The following MON2 variants were observed in gnomAD, a reference collection of about 807,000 sequenced individuals.
MON2 encodes protein MON2 homolog.
MON2 carries 84 observed loss-of-function variants against 208.6 expected under a neutral mutation model. The observed-to-expected ratio is 0.40, with a 90% CI of 0.34 to 0.48. The LOEUF is 0.48. MON2 is among the 20% of genes least tolerant of loss of function. MON2 has a pLI of 0.59. For synonymous variants in MON2, 660 were observed against 694.0 expected (o/e 0.95, Z 0.77); for missense variants, 1,611 against 2,015.4 (o/e 0.80, Z 3.84).
intron 2 of MON2, chr12:62,485,028 G>A (rs1000500664): frequency 1.3e-5 from 2 of 151,078 alleles, no homozygotes; most frequent in African/African-American, 4.9e-5. Flanking sequence ...AGAGCTAATT[G>A]AGATGTGAAG....
chr12:62,534,543 A>AG (rs2072847496), intron 12 of MON2, among the ~76,000 whole-genome samples: 1 of 21,928 alleles, frequency 4.6e-5, no homozygotes, highest in Admixed American at 7.6e-4. Flanking sequence ...AAAAAAAAAA[A>AG]TATATATATA....
At chr12:62,551,962 A>G (rs1008769148) in intron 23 of MON2, among the ~76,000 whole-genome samples, 5 of 152,208 alleles carry the variant, frequency 3.3e-5, no homozygotes, top group Non-Finnish European at 5.9e-5. Context: ...AACTATAAAT[A>G]GAAAATTTTT....
chr12:62,505,344 T>G (rs1017975060), intron 7 of MON2, among the ~76,000 whole-genome samples: 5 of 152,172 alleles, frequency 3.3e-5, no homozygotes, highest in Non-Finnish European at 5.9e-5. Flanking sequence ...TGGCATATAG[T>G]TGCTAATTGA....
intron 8 of MON2, among the ~76,000 whole-genome samples, chr12:62,522,738 A>T (rs2072119339): frequency 6.6e-6 from 1 of 152,156 alleles, no homozygotes; most frequent in Non-Finnish European, 1.5e-5. Flanking sequence ...GGTTTTCTCC[A>T]TTGAGGCCCT....
In MON2 at chr12:62,537,601, G is replaced by C; in HGVS notation, c.2014-1G>C. 3 of 1,596,284 alleles carry C rather than the reference G, an allele frequency of 1.9e-6. No individual in the cohort carries two copies. Among genetic ancestry groups the C allele is most frequent in the Non-Finnish European group, 2.6e-6 (3 of 1,170,626 alleles). Reference sequence around the variant, plus strand: ...GAAAATGTATCCTTTTTAAAATATAGCTGACTTCCAAAAATATCCAGTGTA... The same window carrying C: ...GAAAATGTATCCTTTTTAAAATATACCTGACTTCCAAAAATATCCAGTGTA... On this transcript the variant is annotated splice_acceptor_variant, in intron 15 of 34. Transcript: ENST00000393630. LOFTEE classifies it high-confidence loss of function.
chr12:62,566,841 A>C (rs1054972396), intron 29 of MON2, among the ~76,000 whole-genome samples: 9 of 152,042 alleles, frequency 5.9e-5, no homozygotes, highest in African/African-American at 2.2e-4. Flanking sequence ...CATATGTAAC[A>C]AACCTGCATG....
intron 8 of MON2, 67 bp downstream of exon 8, chr12:62,508,547 C>A: frequency 1.4e-6 from 2 of 1,436,824 alleles, no homozygotes; most frequent in South Asian, 1.2e-5. Context: ...AAAAAGTGGT[C>A]TGTTGTAGCG....
At chr12:62,567,631 T>C (rs192689478) in intron 29 of MON2, among the ~76,000 whole-genome samples, 1 of 152,346 alleles carries the variant, frequency 6.6e-6, no homozygotes, top group East Asian at 1.9e-4. Context: ...TACTTTTCTC[T>C]CCTCACTGCT....
chr12:62,599,439 A>G lies in MON2; in HGVS notation c.*6690A>G, dbSNP rs1237910822. 6.6e-6 allele frequency: 1 copy of G among 152,232 alleles called. No individual in the cohort carries two copies. Among genetic ancestry groups the G allele is most frequent in the Non-Finnish European group, 1.5e-5 (1 of 68,032 alleles). 9.4% of individuals were successfully genotyped at this position (152,232 alleles called of 1,614,324 possible). A position where few individuals can be genotyped will look rare whatever the true frequency, so the allele number is the denominator to read the frequency against. ...CCTTTTTTTGTTATGTAATGAAAGT[A>G]TAAAACAAGAATTTGTACGTTACTC... On this transcript the variant is annotated 3_prime_UTR_variant, in exon 35 of 35. Coordinates refer to ENST00000393630, the MANE Select transcript of MON2 (RefSeq NM_015026.3).
Position 62,495,121 on chromosome 12 carries a change from G to T in MON2, c.409G>T (p.Val137Leu), listed in dbSNP as rs2070396860. The change falls in exon 4 of 35, where the codon GTA (valine) becomes TTA (leucine). Residue 137 changes from valine (V) to leucine (L), a missense_variant. By Grantham distance (32) the Val-to-Leu change is conservative. Transcript: ENST00000393630. ...TVLVLLTTNT[V>L]VHDEALSKAI... is the part of the protein sequence containing the mutation. ...TCTTGTTCTTTTAACAACCAATACA[G>T]TAGTTCATGATGAGGCACTTTCTAA... 1 of 1,609,334 alleles carries T rather than the reference G, an allele frequency of 6.2e-7. No individual in the cohort carries two copies. Among genetic ancestry groups the T allele is most frequent in the Non-Finnish European group, 8.5e-7 (1 of 1,177,318 alleles).
At chr12:62,518,893 G>T (rs1042245727) in intron 8 of MON2, among the ~76,000 whole-genome samples, 1 of 152,084 alleles carries the variant, frequency 6.6e-6, no homozygotes, top group East Asian at 1.9e-4. Flanking sequence ...AAAAAATTAG[G>T]CATTCTACAG....
chr12:62,550,277 C>A (rs1209425398), intron 23 of MON2, among the ~76,000 whole-genome samples: 1 of 152,148 alleles, frequency 6.6e-6, no homozygotes, highest in Non-Finnish European at 1.5e-5. Context: ...TGCCTGTAAT[C>A]CCAGCACTTT....
chr12:62,564,126 G>A (rs10219765), intron 26 of MON2, among the ~76,000 whole-genome samples: 1 of 151,842 alleles, frequency 6.6e-6, no homozygotes, highest in Admixed American at 6.6e-5. Flanking sequence ...TGGGTATGGG[G>A]AGCACTTGCA....
intron 19 of MON2, among the ~76,000 whole-genome samples, chr12:62,541,066 T>C (rs182496893): frequency 3.3e-4 from 50 of 152,292 alleles, no homozygotes; most frequent in African/African-American, 1.2e-3. Flanking sequence ...TTTGTGCCAA[T>C]GTGTTGAGGA....
rs1479391144 is a variant in MON2, at chr12:62,597,953, T to G, written c.*5204T>G. On this transcript the variant is annotated 3_prime_UTR_variant, in exon 35 of 35. Transcript: ENST00000393630. ...TGATTTTGGGGGGTGGGGGAGATAT[T>G]TGTTTTTTTGAGGCAGACGTTTAAA... 3 of 152,184 alleles carry G rather than the reference T, an allele frequency of 2.0e-5. No individual in the cohort carries two copies. Among genetic ancestry groups the G allele is most frequent in the African/African-American group, 7.2e-5 (3 of 41,438 alleles). 9.4% of individuals were successfully genotyped at this position (152,184 alleles called of 1,614,324 possible).
intron 7 of MON2, among the ~76,000 whole-genome samples, chr12:62,507,352 A>G (rs924513455): frequency 1.4e-4 from 19 of 140,560 alleles, no homozygotes; most frequent in African/African-American, 4.5e-4. Flanking sequence ...GTCTTGCTCC[A>G]TTGCCCAGAT....
chr12:62,566,894 A>G (rs1453264523), intron 29 of MON2, among the ~76,000 whole-genome samples: 1 of 152,156 alleles, frequency 6.6e-6, no homozygotes, highest in Non-Finnish European at 1.5e-5. Context: ...ATTAAAAAAA[A>G]TTTGTTACAG....
chr12:62,489,014 A>T (rs542102862), intron 2 of MON2, among the ~76,000 whole-genome samples: 10 of 152,142 alleles, frequency 6.6e-5, no homozygotes, highest in East Asian at 5.8e-4. Flanking sequence ...AAAAAGAAAT[A>T]AAAAAAATTT....
chr12:62,577,305 G>T (rs998313601), intron 30 of MON2, among the ~76,000 whole-genome samples: 1 of 151,978 alleles, frequency 6.6e-6, no homozygotes, highest in Non-Finnish European at 1.5e-5. Flanking sequence ...CAGAATCTAA[G>T]TTCTATGAGA....
Sources: gnomAD v4.1 joint callset for allele counts (sites outside exome capture counted in the v4.1 genomes callset) on GRCh38, gnomAD v4.1.1 for gene constraint, MANE v1.5 for transcripts, NCBI Gene and HGNC (gene_info 2026-07-23, HGNC 2026-07-21) for gene names.